The following NALF1 variants were observed in gnomAD, a reference collection of about 807,000 sequenced individuals.
NALF1 encodes the protein NALCN channel auxiliary factor 1.
Under a neutral mutation model 48.4 loss-of-function variants are expected in NALF1, and 3 were observed. The observed-to-expected ratio is 0.06, with a 90% CI of 0.03 to 0.16. The LOEUF is 0.16. Among genes scored for constraint, NALF1 ranks in the 10% least tolerant of loss-of-function variants. NALF1 has a pLI of 1.00. For missense variants in NALF1, 526 were observed against 571.5 expected (o/e 0.92, Z 0.81); for synonymous variants, 262 against 245.7 (o/e 1.07, Z -0.62).
intron 1 of NALF1, among the ~76,000 whole-genome samples, chr13:107,240,722 T>C (rs1353033208): frequency 6.6e-6 from 1 of 152,126 alleles, no homozygotes; most frequent in Non-Finnish European, 1.5e-5. Context: ...TTAGATTTTT[T>C]GGTCAGTATG....
Position 107,416,116 on chromosome 13 carries a change from C to T in NALF1, c.916-205361G>A, listed in dbSNP as rs367969315. Among the ~76,000 whole-genome samples the T allele has an allele frequency of 2.6e-4, 40 of 151,984 alleles. 1 individual carries two copies. In the South Asian group the frequency reaches 8.3e-3, roughly 32 times the overall value. ...CCGCCTCCTGGGTTCACACCATTCT[C>T]CTGCCTCAGCCTCCCAAGTAGCTGG... On this transcript the variant is annotated intron_variant, in intron 1 of 2. Coordinates refer to ENST00000375915, the MANE Select transcript of NALF1 (RefSeq NM_001080396.3).
chr13:107,556,675 C>T (rs373369774), intron 1 of NALF1, among the ~76,000 whole-genome samples: 1,343 of 71,434 alleles, frequency 0.019, 20 homozygotes, highest in African/African-American at 0.05. Flanking sequence ...TTATTAGAGA[C>T]GGGGTTCACC....
At chr13:107,447,870 G>A (rs1280796196) in intron 1 of NALF1, among the ~76,000 whole-genome samples, 1 of 152,058 alleles carries the variant, frequency 6.6e-6, no homozygotes, top group Non-Finnish European at 1.5e-5. Flanking sequence ...AATCACTGTG[G>A]GCTCTCTGCA....
At chr13:107,252,342 A>G (rs941511620) in intron 1 of NALF1, among the ~76,000 whole-genome samples, 1 of 151,930 alleles carries the variant, frequency 6.6e-6, no homozygotes, top group Non-Finnish European at 1.5e-5. Flanking sequence ...TTCTCCTGGG[A>G]CAGGTGGTGG....
chr13:107,360,389 C>T (rs769658310), intron 1 of NALF1, among the ~76,000 whole-genome samples: 1 of 152,172 alleles, frequency 6.6e-6, no homozygotes, highest in Non-Finnish European at 1.5e-5. Flanking sequence ...ATCATCAAAT[C>T]CATTTGAGGA....
intron 1 of NALF1, among the ~76,000 whole-genome samples, chr13:107,622,471 CAAAAAA>C (rs59079915): frequency 2.1e-4 from 31 of 146,504 alleles, no homozygotes; most frequent in East Asian, 5.9e-4. Context: ...ACAACAACAA[CAAAAAA>C]AAAAAAACAG....
intron 1 of NALF1, among the ~76,000 whole-genome samples, chr13:107,570,251 C>T (rs1877945886): frequency 1.3e-5 from 2 of 151,944 alleles, no homozygotes; most frequent in Non-Finnish European, 2.9e-5. Context: ...GAAAAGCAGA[C>T]ATCCTCATGT....
intron 1 of NALF1, among the ~76,000 whole-genome samples, chr13:107,602,998 G>A (rs1478922193): frequency 1.3e-5 from 2 of 152,112 alleles, no homozygotes; most frequent in Non-Finnish European, 2.9e-5. Context: ...AACATAGACA[G>A]ACTCTCTGGT....
chr13:107,705,386 AG>A lies in NALF1; in HGVS notation c.915+160295del, dbSNP rs573840402. The stretch of plus-strand genomic sequence containing the variant: ...AAAATCATTTACTGCAGTTAGAACC[AG>A]CAAAGTACTTGTGAGACAGCGTGCA... On this transcript the variant is annotated intron_variant, in intron 1 of 2. Transcript: ENST00000375915. Among the ~76,000 whole-genome samples the A allele has an allele frequency of 2.6e-3, 400 of 152,328 alleles. 2 individuals carry two copies. Among genetic ancestry groups the A allele is most frequent in the Non-Finnish European group, 4.1e-3 (277 of 68,028 alleles).
In NALF1 at chr13:107,173,173, A is replaced by C. The variant is rs1050248748; in HGVS notation, c.1088-2387T>G. Among the ~76,000 whole-genome samples the C allele has an allele frequency of 5.9e-5, 9 of 152,232 alleles. 1 individual carries two copies. The highest frequency in any genetic ancestry group is 1.2e-4 in the Non-Finnish European group (8 of 68,036). On this transcript the variant is annotated intron_variant, in intron 2 of 2. Transcript: ENST00000375915. ...GTATTTAGCTGCATTTCTGAGAATA[A>C]CATGTTTTATGCTCTTCTTGATTTT... is the stretch of plus-strand genomic sequence containing the variant.
chr13:107,577,831 G>C (rs116116903), intron 1 of NALF1, among the ~76,000 whole-genome samples: 1 of 152,060 alleles, frequency 6.6e-6, no homozygotes, highest in African/African-American at 2.4e-5. Flanking sequence ...CCCTGTGTAC[G>C]TTCTGGTTCT....
chr13:107,170,852 C>A (rs1878788201), intron 2 of NALF1, 66 bp from the exon 3 acceptor site: 2 of 1,467,632 alleles, frequency 1.4e-6, no homozygotes, highest in Non-Finnish European at 1.9e-6. Context: ...TAGAGTGAAG[C>A]TGTTGCTTTA....
chr13:107,549,802 A>G (rs1273946835), intron 1 of NALF1, among the ~76,000 whole-genome samples: 2 of 152,066 alleles, frequency 1.3e-5, no homozygotes, highest in African/African-American at 2.4e-5. Context: ...GAGCTTATGG[A>G]ATTTTCCTCA....
chr13:107,294,816 T>C (rs1484584082), intron 1 of NALF1, among the ~76,000 whole-genome samples: 1 of 152,132 alleles, frequency 6.6e-6, no homozygotes. Flanking sequence ...TTCCTTAAGT[T>C]AAGGATAAGA....
At chr13:107,262,821 T>C (rs1000542228) in intron 1 of NALF1, among the ~76,000 whole-genome samples, 1 of 149,360 alleles carries the variant, frequency 6.7e-6, no homozygotes, top group African/African-American at 2.5e-5. Flanking sequence ...CATCACTTCA[T>C]TGTACATGGG....
intron 1 of NALF1, among the ~76,000 whole-genome samples, chr13:107,816,736 G>A (rs1323039697): frequency 6.6e-5 from 10 of 152,028 alleles, no homozygotes; most frequent in Middle Eastern, 3.4e-3. Flanking sequence ...GAACTATTGC[G>A]TATTGCATTA....
chr13:107,198,433 T>A (rs1879438159), intron 2 of NALF1, among the ~76,000 whole-genome samples: 1 of 152,238 alleles, frequency 6.6e-6, no homozygotes. Flanking sequence ...GTTACTACTC[T>A]CTGCGTAATT....
At chr13:107,549,348 T>A (rs1877225457) in intron 1 of NALF1, among the ~76,000 whole-genome samples, 1 of 152,166 alleles carries the variant, frequency 6.6e-6, no homozygotes, top group Non-Finnish European at 1.5e-5. Context: ...ATTTGTATAT[T>A]GAATAAACCT....
intron 1 of NALF1, among the ~76,000 whole-genome samples, chr13:107,353,937 G>C (rs1311722483): frequency 6.6e-6 from 1 of 152,110 alleles, no homozygotes; most frequent in Non-Finnish European, 1.5e-5. Flanking sequence ...TACATGCCAG[G>C]AATAATTCTA....
Sources: allele counts gnomAD v4.1 joint callset (sites outside exome capture counted in the v4.1 genomes callset), GRCh38; gene constraint gnomAD v4.1.1; transcripts MANE v1.5; gene names NCBI Gene and HGNC (gene_info 2026-07-23, HGNC 2026-07-21).